The following RUFY3 variants were observed in gnomAD, a reference collection of about 807,000 sequenced individuals.
RUFY3 encodes the protein RUN and FYVE domain containing 3.
RUFY3 carries 34 observed loss-of-function variants against 84.0 expected under a neutral mutation model. The ratio of observed to expected loss-of-function variants is 0.40; its 90% CI spans 0.31 to 0.54. The LOEUF (loss-of-function observed/expected upper bound fraction) is 0.54, where lower values mean the gene tolerates loss of function less well. Among genes scored for constraint, RUFY3 ranks in the 20% least tolerant of loss-of-function variants. The pLI, the probability that RUFY3 is intolerant of heterozygous loss-of-function variation, is 0.39. For missense variants in RUFY3, 507 were observed against 736.8 expected, an observed-to-expected ratio of 0.69 and a Z score of 3.61; for synonymous variants, 242 against 252.9, an observed-to-expected ratio of 0.96 and a Z score of 0.41.
intron 1 of RUFY3, among the ~76,000 whole-genome samples, chr4:70,740,285 C>T (rs998416174): frequency 2.0e-5 from 3 of 152,130 alleles, no homozygotes; most frequent in Non-Finnish European, 4.4e-5. Context: ...AATTGCATCA[C>T]TCTGATACTT....
chr4:70,804,435 G>A lies in RUFY3; in HGVS notation c.1719+19G>A, dbSNP rs112424042. 4.9e-5 allele frequency: 79 copies of A among 1,608,144 alleles called. No homozygotes were observed. The highest frequency in any genetic ancestry group is 6.1e-5 in the Non-Finnish European group (72 of 1,174,954). On this transcript the variant is annotated intron_variant, in intron 17 of 17. Transcript: ENST00000381006. ...AACAAAGGTAACTGTGATGAGAAAC[G>A]GACAGGCTTTTCATAGGGATGTCTA... is the stretch of plus-strand genomic sequence containing the variant.
intron 6 of RUFY3, among the ~76,000 whole-genome samples, chr4:70,774,829 A>G (rs920910790): frequency 5.9e-5 from 9 of 151,534 alleles, no homozygotes; most frequent in Non-Finnish European, 1.2e-4. Context: ...TACTATAAAT[A>G]CTACTAGTGA....
intron 1 of RUFY3, among the ~76,000 whole-genome samples, chr4:70,756,970 A>C (rs1486655230): frequency 1.3e-5 from 2 of 152,138 alleles, no homozygotes; most frequent in African/African-American, 2.4e-5. Context: ...CATTTAACAA[A>C]AAAAAAATTT....
rs1386586335 is a variant in RUFY3, at chr4:70,806,562, C to T, written c.1766C>T (p.Thr589Ile). 2 of 1,614,164 alleles carry T rather than the reference C, an allele frequency of 1.2e-6. No homozygotes were observed. Among genetic ancestry groups the T allele is most frequent in the East Asian group, 4.5e-5 (2 of 44,882 alleles). Residue 589 changes from threonine to isoleucine, a missense_variant, in exon 18 of 18, where the codon ACA becomes ATA. By Grantham distance (89) the Thr-to-Ile change is moderately conservative. Coordinates refer to ENST00000381006, the MANE Select transcript of RUFY3 (RefSeq NM_001037442.4). ...CSGTFCDACS[T>I]NELPLPSSIK... is the part of the protein sequence containing the mutation. ...GGAACCTTCTGTGATGCCTGTTCAACAAATGAACTGCCTCTTCCTTCAAGT... is the reference window on the plus strand; with the variant it reads ...GGAACCTTCTGTGATGCCTGTTCAATAAATGAACTGCCTCTTCCTTCAAGT...
intron 5 of RUFY3, among the ~76,000 whole-genome samples, chr4:70,772,612 A>T (rs1214426902): frequency 6.6e-6 from 1 of 152,036 alleles, no homozygotes; most frequent in Non-Finnish European, 1.5e-5. Flanking sequence ...ATTCTGGTAA[A>T]ATAGGAAGGG....
chr4:70,736,152 CAAA>C (rs1020403164), intron 1 of RUFY3, among the ~76,000 whole-genome samples: 16 of 60,840 alleles, frequency 2.6e-4, no homozygotes, highest in Non-Finnish European at 2.7e-4. Context: ...GACCCTGTCT[CAAA>C]AAAAAAAAAA....
intron 8 of RUFY3, among the ~76,000 whole-genome samples, chr4:70,779,075 A>T (rs1292092247): frequency 6.6e-6 from 1 of 152,204 alleles, no homozygotes; most frequent in African/African-American, 2.4e-5. Context: ...TAAGCGTTTC[A>T]CACAGTTTAT....
At chr4:70,782,691 T>C (rs1729139861) in intron 8 of RUFY3, among the ~76,000 whole-genome samples, 1 of 152,076 alleles carries the variant, frequency 6.6e-6, no homozygotes, top group Non-Finnish European at 1.5e-5. Flanking sequence ...GGTGGGCAGA[T>C]CTCTTGAAGG....
At chr4:70,785,336 T>G (rs1729606974) in intron 10 of RUFY3, among the ~76,000 whole-genome samples, 1 of 152,072 alleles carries the variant, frequency 6.6e-6, no homozygotes, top group South Asian at 2.1e-4. Context: ...GTATTAGTCT[T>G]AAGATTTTTT....
At chr4:70,791,039 T>C (rs77869538) in intron 12 of RUFY3, among the ~76,000 whole-genome samples, 6,296 of 152,288 alleles carry the variant, frequency 0.041, 296 homozygotes, top group East Asian at 0.2. Flanking sequence ...AATTGTGCTT[T>C]TGAAATGAAA....
chr4:70,782,991 A>C (rs1364190204), intron 8 of RUFY3, 100 bp from the exon 9 acceptor site: 4 of 687,902 alleles, frequency 5.8e-6, no homozygotes, highest in Non-Finnish European at 9.7e-6. Context: ...CTTTCTAAGA[A>C]TATCCAAGCC....
chr4:70,744,208 TA>T (rs572764045), intron 1 of RUFY3, among the ~76,000 whole-genome samples: 6 of 152,268 alleles, frequency 3.9e-5, no homozygotes, highest in Admixed American at 1.3e-4. Context: ...TATTTTATTT[TA>T]TTTTTTTGAG....
intron 1 of RUFY3, among the ~76,000 whole-genome samples, chr4:70,725,880 C>T (rs1463641369): frequency 1.3e-5 from 2 of 152,146 alleles, no homozygotes; most frequent in Non-Finnish European, 2.9e-5. Flanking sequence ...CTGTTTGGCA[C>T]AACAGGGAGC....
rs546980665 is a variant in RUFY3 at position 70,796,426 on chromosome 4, T to A, written c.1557+1532T>A. Among the ~76,000 whole-genome samples the A allele has an allele frequency of 3.9e-5, 6 of 152,350 alleles. No individual in the cohort carries two copies. In the South Asian group the frequency reaches 1.2e-3, roughly 32 times the overall value. Reference sequence around the variant, plus strand: ...GATTGTACTATGAAGTTGTTACATCTCCTGTTACAATTTCTCAAACAAATG... The same window carrying A: ...GATTGTACTATGAAGTTGTTACATCACCTGTTACAATTTCTCAAACAAATG... On this transcript the variant is annotated intron_variant, in intron 14 of 17. Transcript: ENST00000381006.
At position 70,794,696 on chromosome 4, in the gene RUFY3, G is replaced by A. The variant is rs540001854; in HGVS notation, c.1458-99G>A. 1.7e-4 allele frequency: 134 copies of A among 765,876 alleles called. 1 individual carries two copies. Among genetic ancestry groups the A allele is most frequent in the Middle Eastern group, 1.1e-3 (3 of 2,796 alleles). 47.4% of individuals were successfully genotyped at this position (765,876 alleles called of 1,614,324 possible). ...TCTGACAGCAAGCCCTTAACCATTCGTAATTACTGCACTTTAAGACAAGGG... is the reference window on the plus strand; with the variant it reads ...TCTGACAGCAAGCCCTTAACCATTCATAATTACTGCACTTTAAGACAAGGG... On this transcript the variant is annotated intron_variant, in intron 13 of 17. Coordinates refer to ENST00000381006, the MANE Select transcript of RUFY3 (RefSeq NM_001037442.4).
In RUFY3 at chr4:70,722,027, C is replaced by A; in HGVS notation, c.-547C>A. On this transcript the variant is annotated 5_prime_UTR_variant, in exon 1 of 18. Transcript: ENST00000381006. Reference sequence around the variant, plus strand: ...CTGCGCACGGCCAATCCTATGAGAACTCAGCATCCCAGCTCATCTGAGCAG... The same window carrying A: ...CTGCGCACGGCCAATCCTATGAGAAATCAGCATCCCAGCTCATCTGAGCAG... The A allele has an allele frequency of 8.1e-7, 1 of 1,232,186 alleles. No homozygotes were observed. The highest frequency in any genetic ancestry group is 1.0e-6 in the Non-Finnish European group (1 of 987,984). The allele number at this position is 1,232,186 out of a possible 1,614,324, so 76.3% of individuals were successfully genotyped here. A position where few individuals can be genotyped will look rare whatever the true frequency, so the allele number is the denominator to read the frequency against.
chr4:70,796,602 T>C (rs1175940274), intron 14 of RUFY3, among the ~76,000 whole-genome samples: 1 of 152,196 alleles, frequency 6.6e-6, no homozygotes, highest in African/African-American at 2.4e-5. Context: ...GCCTAACCAA[T>C]TGAGATATCT....
Position 70,775,154 on chromosome 4 carries a change from T to TC in RUFY3, c.759-10dup. 1 of 1,576,244 alleles carries TC rather than the reference T, an allele frequency of 6.3e-7. No individual in the cohort carries two copies. Among genetic ancestry groups the TC allele is most frequent in the East Asian group, 2.3e-5 (1 of 43,902 alleles). On this transcript the variant is annotated splice_polypyrimidine_tract_variant and intron_variant, in intron 6 of 17. Transcript: ENST00000381006. Reference sequence around the variant, plus strand: ...GTTATTTATTTTATTTCTATTTTCTTCCCCTTCCCCCAGAGACGGTCAGAT... The same window carrying TC: ...GTTATTTATTTTATTTCTATTTTCTTCCCCCTTCCCCCAGAGACGGTCAGAT...
At chr4:70,708,611 T>C (rs923870023) in intron 1 of RUFY3, among the ~76,000 whole-genome samples, 2 of 152,256 alleles carry the variant, frequency 1.3e-5, no homozygotes, top group African/African-American at 4.8e-5. Flanking sequence ...ATATAAAATA[T>C]TATAGCTTTG....
Sources: allele counts gnomAD v4.1 joint callset (sites outside exome capture counted in the v4.1 genomes callset), GRCh38; gene constraint gnomAD v4.1.1; transcripts MANE v1.5; gene names NCBI Gene and HGNC (gene_info 2026-07-23, HGNC 2026-07-21).